Variants in SAMTOR observed in about 807,000 individuals in gnomAD.
SAMTOR encodes UPF0532 protein C7orf60.
At chr7:112,939,671 T>C in the SAMTOR span, 1 of 1,613,412 alleles carries the variant, frequency 6.2e-7, no homozygotes, top group African/African-American at 1.3e-5. Context: ...TTTCCGCTCC[T>C]GCTCCCGGGG....
the SAMTOR span, among the ~76,000 whole-genome samples, chr7:112,912,802 C>T: frequency 4.6e-5 from 7 of 151,842 alleles, no homozygotes; most frequent in South Asian, 6.2e-4. Flanking sequence ...GATAATATAA[C>T]GATTGATAAA....
chr7:112,826,834 C>T, the SAMTOR span, among the ~76,000 whole-genome samples: 4 of 152,028 alleles, frequency 2.6e-5, no homozygotes, highest in Non-Finnish European at 5.9e-5. Context: ...TTCTAATTTC[C>T]ATTGTGAATT....
chr7:112,836,327 G>A, the SAMTOR span, among the ~76,000 whole-genome samples: 1 of 151,996 alleles, frequency 6.6e-6, no homozygotes, highest in African/African-American at 2.4e-5. Flanking sequence ...ACTTTTTAAT[G>A]GGGTTGTTTT....
chr7:112,882,015 T>C, the SAMTOR span, among the ~76,000 whole-genome samples: 2 of 152,340 alleles, frequency 1.3e-5, no homozygotes, highest in East Asian at 3.9e-4. Flanking sequence ...TGGGGCTCTG[T>C]GGTTTCTGGT....
chr7:112,875,565 C>G, the SAMTOR span, among the ~76,000 whole-genome samples: 1 of 152,116 alleles, frequency 6.6e-6, no homozygotes, highest in Admixed American at 6.5e-5. Flanking sequence ...GTGCTATAGT[C>G]AAGTTAGGTA....
the SAMTOR span, among the ~76,000 whole-genome samples, chr7:112,904,016 C>G: frequency 1.3e-5 from 2 of 151,922 alleles, no homozygotes; most frequent in African/African-American, 4.8e-5. Context: ...CACTTCAATT[C>G]CCAGTGAAGA....
the SAMTOR span, among the ~76,000 whole-genome samples, chr7:112,905,681 C>A: frequency 7.2e-5 from 11 of 152,080 alleles, no homozygotes; most frequent in Admixed American, 4.6e-4. Context: ...CACATTTATT[C>A]TTCTCCATAG....
the SAMTOR span, among the ~76,000 whole-genome samples, chr7:112,898,628 T>G: frequency 4.6e-5 from 7 of 151,846 alleles, no homozygotes; most frequent in Admixed American, 2.0e-4. Flanking sequence ...TAAAGTGGCC[T>G]TGGACCTTCA....
chr7:112,877,770 CTTGTGAGA>C, the SAMTOR span, among the ~76,000 whole-genome samples: 125 of 150,230 alleles, frequency 8.3e-4, no homozygotes, highest in African/African-American at 2.7e-3. Context: ...ACAGTGAGTT[CTTGTGAGA>C]CCTTGTGAGA....
chr7:112,929,492 T>C, the SAMTOR span, among the ~76,000 whole-genome samples: 3 of 151,978 alleles, frequency 2.0e-5, no homozygotes, highest in Non-Finnish European at 4.4e-5. Context: ...TTATGTTGGG[T>C]ATGTAAATTA....
chr7:112,904,650 G>C, the SAMTOR span, among the ~76,000 whole-genome samples: 5 of 152,102 alleles, frequency 3.3e-5, no homozygotes, highest in Non-Finnish European at 7.4e-5. Flanking sequence ...GAAAGGAAGA[G>C]TGCCAACAAA....
the SAMTOR span, among the ~76,000 whole-genome samples, chr7:112,903,730 T>C: frequency 1.3e-5 from 2 of 152,032 alleles, no homozygotes; most frequent in African/African-American, 4.8e-5. Flanking sequence ...CTAAGTAGAG[T>C]AACATTTTTT....
At chr7:112,833,764 A>C in the SAMTOR span, among the ~76,000 whole-genome samples, 1 of 152,170 alleles carries the variant, frequency 6.6e-6, no homozygotes, top group African/African-American at 2.4e-5. Context: ...TAGCTTAATA[A>C]CTGATCAATT....
the SAMTOR span, among the ~76,000 whole-genome samples, chr7:112,885,310 G>A: frequency 8.8e-4 from 134 of 152,264 alleles, no homozygotes; most frequent in Middle Eastern, 0.014. Context: ...TTGGCTCCTC[G>A]TTACCTATGC....
chr7:112,822,439 T>C, the SAMTOR span: 1 of 1,322,872 alleles, frequency 7.6e-7, no homozygotes, highest in East Asian at 2.3e-5. Flanking sequence ...TACATAGACT[T>C]TTCAGCAAAC....
chr7:112,832,760 C>A, the SAMTOR span: 2 of 841,294 alleles, frequency 2.4e-6, no homozygotes, highest in South Asian at 3.1e-5. Flanking sequence ...ACTTTTTGGT[C>A]TCAGGACCCT....
chr7:112,870,927 C>T, the SAMTOR span, among the ~76,000 whole-genome samples: 2 of 151,964 alleles, frequency 1.3e-5, no homozygotes, highest in Non-Finnish European at 2.9e-5. Context: ...AGTAACAAAG[C>T]ACAGAGAAGG....
At chr7:112,919,955 C>T in the SAMTOR span, among the ~76,000 whole-genome samples, 1 of 152,078 alleles carries the variant, frequency 6.6e-6, no homozygotes, top group Non-Finnish European at 1.5e-5. Context: ...TGGCAATAAT[C>T]AATAGCTTAC....
the SAMTOR span, among the ~76,000 whole-genome samples, chr7:112,879,911 A>G: frequency 6.6e-6 from 1 of 152,218 alleles, no homozygotes; most frequent in East Asian, 1.9e-4. Context: ...TTTACATATA[A>G]GTCTAGTTAA....
Sources: gnomAD v4.1 joint callset for allele counts (sites outside exome capture counted in the v4.1 genomes callset) on GRCh38, gnomAD v4.1.1 for gene constraint, MANE v1.5 for transcripts, NCBI Gene and HGNC (gene_info 2026-07-23, HGNC 2026-07-21) for gene names.